PNKD: variants seen among roughly 807,000 people sequenced by gnomAD.
PNKD encodes PNKD metallo-beta-lactamase domain containing, also known as probable thioesterase PNKD.
In PNKD, 36 loss-of-function variants were observed where a neutral mutation model predicts 45.3. The observed-to-expected ratio is 0.80, with a 90% CI of 0.61 to 1.05. PNKD has a LOEUF of 1.05. Ranked by LOEUF, PNKD falls within the 50% of genes least tolerant of loss-of-function variation. PNKD has a pLI of 0.00. For synonymous variants in PNKD, 197 were observed against 210.1 expected (o/e 0.94, Z 0.54); for missense variants, 511 against 506.6 (o/e 1.01, Z -0.08).
intron 2 of PNKD, chr2:218,276,916 G>A: frequency 9.1e-7 from 1 of 1,095,980 alleles, no homozygotes; most frequent in Non-Finnish European, 1.4e-6. Context: ...CCTGCCCCGG[G>A]GACCTTTGGG....
At chr2:218,323,361 G>A (rs1485437257) in intron 2 of PNKD, 7 of 1,581,852 alleles carry the variant, frequency 4.4e-6, no homozygotes, top group African/African-American at 1.4e-5. Flanking sequence ...GAGCCCCCGC[G>A]GCTGCCGAGC....
chr2:218,321,520 C>G (rs1208735361), intron 2 of PNKD, among the ~76,000 whole-genome samples: 1 of 152,044 alleles, frequency 6.6e-6, no homozygotes, highest in African/African-American at 2.4e-5. Context: ...GGATTAAACC[C>G]AGATTCAGGT....
At chr2:218,281,265 A>C (rs1691959847) in intron 2 of PNKD, among the ~76,000 whole-genome samples, 1 of 150,898 alleles carries the variant, frequency 6.6e-6, no homozygotes, top group African/African-American at 2.4e-5. Flanking sequence ...CCTCCTGAGT[A>C]GCTGGGATTA....
In PNKD at chr2:218,346,223, T is replaced by G. The variant is rs1030905289; in HGVS notation, c.*1242T>G. The G allele has an allele frequency of 6.5e-6, 1 of 152,700 alleles. No individual in the cohort carries two copies. The highest frequency in any genetic ancestry group is 2.4e-5 in the African/African-American group (1 of 41,438). 9.5% of individuals were successfully genotyped at this position (152,700 alleles called of 1,614,324 possible). On this transcript the variant is annotated 3_prime_UTR_variant, in exon 10 of 10. Transcript: ENST00000273077. The stretch of plus-strand genomic sequence containing the variant: ...AGGAACCCTGTGGTCCTCAGGCAGG[T>G]GTACCTTGAGTCAGCCAGGAGCCCT...
At position 218,303,574 on chromosome 2, in the gene PNKD, C is replaced by CTT. The variant is rs59067154; in HGVS notation, c.236+32045_236+32046dup. 7.4e-4 allele frequency among the ~76,000 whole-genome samples: 75 copies of CTT among 101,664 alleles called. 2 individuals carry two copies. The highest frequency in any genetic ancestry group is 2.0e-3 in the African/African-American group (56 of 28,576). The allele number at this position is 101,664 out of a possible 152,430, so 66.7% of individuals were successfully genotyped here. A position where few individuals can be genotyped will look rare whatever the true frequency, so the allele number is the denominator to read the frequency against. On this transcript the variant is annotated intron_variant, in intron 2 of 9. Coordinates refer to ENST00000273077, the MANE Select transcript of PNKD (RefSeq NM_015488.5). ...CGACCCCCATCCCAGACCTGCACTT[C>CTT]TTTTTTTTTTTTTTTTTTTTTGAGC...
intron 2 of PNKD, among the ~76,000 whole-genome samples, chr2:218,283,501 C>T (rs1247435063): frequency 6.6e-6 from 1 of 152,122 alleles, no homozygotes; most frequent in Non-Finnish European, 1.5e-5. Context: ...AAGGACAAGC[C>T]CTGGCAGTCT....
intron 2 of PNKD, among the ~76,000 whole-genome samples, chr2:218,336,084 G>A (rs1280744372): frequency 5.3e-5 from 8 of 151,906 alleles, no homozygotes; most frequent in Non-Finnish European, 1.0e-4. Context: ...GCGTGGTGGT[G>A]GGTGCCTGTA....
intron 2 of PNKD, among the ~76,000 whole-genome samples, chr2:218,276,459 C>G (rs1427472624): frequency 1.3e-5 from 2 of 152,160 alleles, no homozygotes; most frequent in African/African-American, 2.4e-5. Flanking sequence ...CCCCCCAACC[C>G]CTCTGGTGAG....
intron 2 of PNKD, chr2:218,323,284 G>A (rs1225585580): frequency 6.5e-7 from 1 of 1,548,512 alleles, no homozygotes; most frequent in Non-Finnish European, 8.7e-7. Context: ...TGGCAGGGCT[G>A]GCCCGCGGCG....
intron 1 of PNKD, 44 bp downstream of exon 1, chr2:218,270,646 C>G: frequency 1.7e-6 from 1 of 579,686 alleles, no homozygotes; most frequent in South Asian, 7.2e-5. Flanking sequence ...CAGAAGATCC[C>G]TTTTCTTTCA....
At chr2:218,329,166 G>A (rs890466641) in intron 2 of PNKD, among the ~76,000 whole-genome samples, 20 of 152,112 alleles carry the variant, frequency 1.3e-4, no homozygotes, top group African/African-American at 3.9e-4. Context: ...TGGAGATCGC[G>A]CCACTGCACT....
Position 218,344,946 on chromosome 2 carries a change from C to T in PNKD, c.1123C>T (p.Leu375Phe), listed in dbSNP as rs747068598. The change falls in exon 10 of 10, where the codon CTC (leucine) becomes TTC (phenylalanine). Residue 375 changes from leucine (L) to phenylalanine (F), a missense_variant. Physicochemically the swap from Leu to Phe is conservative, Grantham distance 22 (BLOSUM62 0). Transcript: ENST00000273077. ...DYSRAQLLEE[L>F]RRLKDMHKSK ...CTCCCGGGCCCAGCTCCTGGAAGAG[C>T]TCCGCCGGCTGAAGGATATGCACAA... 6.2e-7 allele frequency: 1 copy of T among 1,613,942 alleles called. No individual in the cohort carries two copies. Among genetic ancestry groups the T allele is most frequent in the Admixed American group, 1.7e-5 (1 of 60,016 alleles).
chr2:218,276,514 C>T (rs1197361259), intron 2 of PNKD, among the ~76,000 whole-genome samples: 1 of 152,184 alleles, frequency 6.6e-6, no homozygotes, highest in African/African-American at 2.4e-5. Context: ...CATGACATGC[C>T]CACAGGTGGC....
intron 2 of PNKD, chr2:218,277,254 C>T (rs1049787034): frequency 1.7e-5 from 20 of 1,176,758 alleles, no homozygotes; most frequent in Admixed American, 8.5e-5. Context: ...TTTGTAGGTG[C>T]GGATGAGGAG....
intron 2 of PNKD, among the ~76,000 whole-genome samples, chr2:218,333,717 T>C (rs1472616918): frequency 6.6e-6 from 1 of 152,116 alleles, no homozygotes; most frequent in Admixed American, 6.6e-5. Flanking sequence ...GTTCTTTCCA[T>C]AAGCCCATGT....
chr2:218,329,384 AC>A (rs1694253456), intron 2 of PNKD, among the ~76,000 whole-genome samples: 1 of 152,220 alleles, frequency 6.6e-6, no homozygotes. Context: ...CAAGAAACAA[AC>A]CAAAACTAAA....
chr2:218,277,055 A>G lies in PNKD; in HGVS notation c.236+5506A>G, dbSNP rs115171026. ...TGACAATCCCAGTCACCAGGAGCAC[A>G]ATTCCCAGGACACAGAAGAGGCCTG... On this transcript the variant is annotated intron_variant, in intron 2 of 9. Coordinates refer to ENST00000273077, the MANE Select transcript of PNKD (RefSeq NM_015488.5). 80 of 1,614,180 alleles carry G rather than the reference A, an allele frequency of 5.0e-5. No homozygotes were observed. In the African/African-American group the frequency reaches 8.8e-4, roughly 18 times the overall value.
intron 2 of PNKD, chr2:218,282,063 C>A: frequency 6.3e-7 from 1 of 1,591,254 alleles, no homozygotes; most frequent in Non-Finnish European, 8.6e-7. Flanking sequence ...GATGGCTGCC[C>A]ATAGCCCCCA....
rs1690814874 is a variant in PNKD at position 218,271,158 on chromosome 2, G to C, written c.68-223G>C. On this transcript the variant is annotated intron_variant, in intron 1 of 9. Coordinates refer to ENST00000273077, the MANE Select transcript of PNKD (RefSeq NM_015488.5). ...AGCGAAGCTTTTCGTCCTGGCACCA[G>C]GGTGATGAGCCCGCAGTGACGTGGA... The C allele has an allele frequency of 5.0e-6, 3 of 599,930 alleles. No homozygotes were observed. The East Asian group carries it at 8.5e-5, about 17-fold the overall frequency. 37.2% of individuals were successfully genotyped at this position (599,930 alleles called of 1,614,324 possible).
Sources: gnomAD v4.1 joint callset for allele counts (sites outside exome capture counted in the v4.1 genomes callset) on GRCh38, gnomAD v4.1.1 for gene constraint, MANE v1.5 for transcripts, NCBI Gene and HGNC (gene_info 2026-07-23, HGNC 2026-07-21) for gene names.